The following GLRA2 variants were observed in gnomAD, a reference collection of about 807,000 sequenced individuals.
GLRA2 encodes the protein glycine receptor subunit alpha-2.
In GLRA2, 11 loss-of-function variants were observed where a neutral mutation model predicts 31.6. The ratio of observed to expected loss-of-function variants is 0.35; its 90% confidence interval spans 0.22 to 0.58. The LOEUF (loss-of-function observed/expected upper bound fraction) is 0.58, where lower values mean the gene tolerates loss of function less well. GLRA2 is among the 20% of genes least tolerant of loss of function. The pLI is 0.84. For missense variants in GLRA2, 212 were observed against 351.8 expected (o/e 0.60, Z 3.18); for synonymous variants, 132 against 134.0 (o/e 0.99, Z 0.10).
At chrX:14,550,272 T>A (rs1187546137) in intron 2 of GLRA2, among the ~76,000 whole-genome samples, 17 of 107,856 alleles carry the variant, frequency 1.6e-4, no homozygotes, top group African/African-American at 4.7e-4. Flanking sequence ...TTTTTTTTTT[T>A]TAAAATTAAG....
At chrX:14,629,889 A>G (rs2158088) in intron 7 of GLRA2, among the ~76,000 whole-genome samples, 3,156 of 111,659 alleles carry the variant, frequency 0.028, 69 homozygotes, top group African/African-American at 0.078. Context: ...CTTTTGTACA[A>G]TTGTTGTCAT....
At chrX:14,576,096 A>G (rs112189110) in intron 3 of GLRA2, among the ~76,000 whole-genome samples, 4 of 109,950 alleles carry the variant, frequency 3.6e-5, no homozygotes, top group African/African-American at 9.9e-5. Context: ...CCTTGTTTAT[A>G]TGAATTTTCT....
At chrX:14,627,879 G>A (rs1246442925) in intron 7 of GLRA2, among the ~76,000 whole-genome samples, 1 of 111,932 alleles carries the variant, frequency 8.9e-6, no homozygotes, top group Non-Finnish European at 1.9e-5. Context: ...AGACCGTTTC[G>A]TTTTACAATG....
At chrX:14,511,609 G>A in the GLRA2 span, among the ~76,000 whole-genome samples, 6 of 111,655 alleles carry the variant, frequency 5.4e-5, no homozygotes, top group Non-Finnish European at 9.4e-5. Flanking sequence ...TATTTTGCAT[G>A]TACTATTCAT....
chrX:14,555,051 G>A (rs2089623355), intron 2 of GLRA2, among the ~76,000 whole-genome samples: 1 of 112,017 alleles, frequency 8.9e-6, no homozygotes, highest in African/African-American at 3.2e-5. Flanking sequence ...TCTCCAATAA[G>A]GGGGAATTAG....
intron 7 of GLRA2, among the ~76,000 whole-genome samples, chrX:14,659,817 C>T (rs2147146781): frequency 8.9e-6 from 1 of 112,308 alleles, no homozygotes; most frequent in Admixed American, 9.4e-5. Context: ...ACATCCAATA[C>T]TAATTTCTGT....
intron 6 of GLRA2, among the ~76,000 whole-genome samples, chrX:14,607,572 C>A (rs937086198): frequency 9.0e-6 from 1 of 111,188 alleles, no homozygotes; most frequent in Admixed American, 9.6e-5. Flanking sequence ...ATGTAGAAAA[C>A]CTCATTAGTG....
At chrX:14,721,004 G>A (rs781270525) in intron 8 of GLRA2, among the ~76,000 whole-genome samples, 35 of 108,632 alleles carry the variant, frequency 3.2e-4, no homozygotes, top group African/African-American at 9.1e-4. Context: ...CACATGACCC[G>A]TCCACCTTGG....
chrX:14,547,575 A>G (rs746633368), intron 2 of GLRA2, among the ~76,000 whole-genome samples: 1 of 111,342 alleles, frequency 9.0e-6, no homozygotes, highest in Non-Finnish European at 1.9e-5. Context: ...CCAAGCATCT[A>G]TATTGTCAAT....
intron 7 of GLRA2, among the ~76,000 whole-genome samples, chrX:14,615,217 G>A (rs2090442350): frequency 8.9e-6 from 1 of 111,861 alleles, no homozygotes; most frequent in African/African-American, 3.2e-5. Context: ...GTTCACAGTA[G>A]GTGCTCAGTA....
At chrX:14,531,551 A>G (rs1272954270) in intron 1 of GLRA2, among the ~76,000 whole-genome samples, 1 of 111,243 alleles carries the variant, frequency 9.0e-6, no homozygotes, top group Non-Finnish European at 1.9e-5. Flanking sequence ...TTTCATCAAT[A>G]TTTTTTAGAG....
In GLRA2 at chrX:14,670,646, T is replaced by C. The variant is rs776672843; in HGVS notation, c.931-20064T>C. 5.0e-3 allele frequency among the ~76,000 whole-genome samples: 551 copies of C among 111,021 alleles called. 3 individuals carry two copies. Among genetic ancestry groups the C allele is most frequent in the Non-Finnish European group, 9.1e-3 (483 of 53,013 alleles). ...ATCTCGCGAGACTTATTCACTATCA[T>C]GACAACAGCACGGGAAAGACCTGCC... On this transcript the variant is annotated intron_variant, in intron 7 of 8. Coordinates refer to ENST00000218075, the MANE Select transcript of GLRA2 (RefSeq NM_002063.4).
At chrX:14,709,644 A>G (rs1050722975) in intron 8 of GLRA2, among the ~76,000 whole-genome samples, 4 of 112,318 alleles carry the variant, frequency 3.6e-5, no homozygotes, top group African/African-American at 9.7e-5. Context: ...GCTAGGACAG[A>G]GATGATCTGC....
intron 2 of GLRA2, among the ~76,000 whole-genome samples, chrX:14,555,455 G>T: frequency 9.0e-6 from 1 of 111,629 alleles, no homozygotes; most frequent in Middle Eastern, 4.6e-3. Flanking sequence ...TGAAGTTTAT[G>T]ATTTTCTTCC....
At chrX:14,477,303 T>C in the GLRA2 span, among the ~76,000 whole-genome samples, 1 of 111,579 alleles carries the variant, frequency 9.0e-6, no homozygotes, top group Non-Finnish European at 1.9e-5. Flanking sequence ...CACATAGTCA[T>C]CTGGAAGCAA....
chrX:14,478,661 T>A, the GLRA2 span, among the ~76,000 whole-genome samples: 1 of 112,410 alleles, frequency 8.9e-6, no homozygotes, highest in East Asian at 2.8e-4. Flanking sequence ...GATAGTTTTA[T>A]AATCTATAAT....
At chrX:14,482,903 G>A in the GLRA2 span, among the ~76,000 whole-genome samples, 1 of 110,519 alleles carries the variant, frequency 9.0e-6, no homozygotes, top group East Asian at 2.8e-4. Flanking sequence ...CTTTTACAGG[G>A]GGAACAAATT....
At chrX:14,723,039 C>T (rs1047491906) in intron 8 of GLRA2, among the ~76,000 whole-genome samples, 25 of 112,198 alleles carry the variant, frequency 2.2e-4, no homozygotes, top group African/African-American at 7.8e-4. Flanking sequence ...GTCTTGCAAA[C>T]AGTTTGGGGT....
intron 7 of GLRA2, among the ~76,000 whole-genome samples, chrX:14,637,617 T>C (rs971732046): frequency 2.7e-5 from 3 of 112,033 alleles, no homozygotes; most frequent in Non-Finnish European, 5.6e-5. Flanking sequence ...AATTATAGGC[T>C]TTGCATATCC....
Sources: gnomAD v4.1 joint callset for allele counts (sites outside exome capture counted in the v4.1 genomes callset) on GRCh38, gnomAD v4.1.1 for gene constraint, MANE v1.5 for transcripts, NCBI Gene and HGNC (gene_info 2026-07-23, HGNC 2026-07-21) for gene names.